The following ALDH18A1 variants were observed in gnomAD, a reference collection of about 807,000 sequenced individuals.
ALDH18A1 encodes delta-1-pyrroline-5-carboxylate synthase.
ALDH18A1 carries 44 observed loss-of-function variants against 88.8 expected under a neutral mutation model. That is an observed-to-expected ratio of 0.50 (90% confidence interval 0.39 to 0.64). The LOEUF is 0.64. ALDH18A1 is among the 30% of genes least tolerant of loss of function. The pLI, the probability that ALDH18A1 is intolerant of heterozygous loss-of-function variation, is 0.00. For synonymous variants in ALDH18A1, 331 were observed against 372.1 expected (o/e 0.89, Z 1.27); for missense variants, 782 against 1,009.5 (o/e 0.77, Z 3.05).
intron 7 of ALDH18A1, among the ~76,000 whole-genome samples, chr10:95,631,880 G>T (rs1488722808): frequency 6.6e-6 from 1 of 151,792 alleles, no homozygotes; most frequent in Non-Finnish European, 1.5e-5. Context: ...CTCCTCAAAA[G>T]TCTTTTAAAC....
intron 2 of ALDH18A1, among the ~76,000 whole-genome samples, chr10:95,652,043 A>T (rs1205711228): frequency 2.0e-5 from 3 of 152,240 alleles, no homozygotes; most frequent in Non-Finnish European, 2.9e-5. Flanking sequence ...ACTTCTCAGT[A>T]ATAAAAAGGA....
chr10:95,607,525 C>A (rs2097825005), intron 17 of ALDH18A1, among the ~76,000 whole-genome samples: 1 of 149,674 alleles, frequency 6.7e-6, no homozygotes. Context: ...ACAGTGGAGG[C>A]AGGGTTCCCT....
intron 14 of ALDH18A1, 33 bp from the exon 15 acceptor site, chr10:95,613,896 T>C (rs376515375): frequency 9.9e-6 from 16 of 1,614,048 alleles, no homozygotes; most frequent in Non-Finnish European, 1.3e-5. Flanking sequence ...TTGTTTCCAT[T>C]GACATGATCC....
rs1425551301 is a variant in ALDH18A1, at chr10:95,633,525, G to C, written c.683C>G (p.Pro228Arg). Residue 228 changes from proline (P) to arginine (R), a missense_variant, in exon 6 of 18, where the codon CCA becomes CGA. This residue lies in a region of ALDH18A1 where 132 missense variants were observed against 255.5 expected (regional missense o/e 0.52). Transcript: ENST00000371224. ...CTGCAGGTCACTGTTGGGCTCAGCT[G>C]GGGGGACAACAGCATCATTTGTGTT... Reference protein sequence around the residue: ...IVNTNDAVVPPAEPNSDLQGV... With the variant: ...IVNTNDAVVPRAEPNSDLQGV... 6.2e-7 allele frequency: 1 copy of C among 1,614,080 alleles called. No homozygotes were observed. The highest frequency in any genetic ancestry group is 1.1e-5 in the South Asian group (1 of 91,076).
At chr10:95,655,355 T>C (rs1250541952) in intron 1 of ALDH18A1, among the ~76,000 whole-genome samples, 2 of 152,122 alleles carry the variant, frequency 1.3e-5, no homozygotes, top group Admixed American at 6.5e-5. Context: ...TAAATGTCAG[T>C]TTTCCTCCTT....
At chr10:95,639,018 C>A (rs1488509748) in intron 3 of ALDH18A1, among the ~76,000 whole-genome samples, 1 of 152,050 alleles carries the variant, frequency 6.6e-6, no homozygotes, top group Non-Finnish European at 1.5e-5. Context: ...CTTGGCTTCC[C>A]AAAGTGCTGG....
At chr10:95,648,253 T>C (rs914424703) in intron 2 of ALDH18A1, among the ~76,000 whole-genome samples, 1 of 152,174 alleles carries the variant, frequency 6.6e-6, no homozygotes, top group Non-Finnish European at 1.5e-5. Flanking sequence ...ACAGAAGTCT[T>C]CTGTGTTGAT....
intron 17 of ALDH18A1, 99 bp downstream of exon 17, chr10:95,610,098 T>C: frequency 8.7e-7 from 1 of 1,152,936 alleles, no homozygotes; most frequent in East Asian, 2.5e-5. Context: ...ACCAAGCATG[T>C]GACAGTCAAG....
chr10:95,631,638 G>A (rs777776999), intron 7 of ALDH18A1, among the ~76,000 whole-genome samples: 6 of 151,574 alleles, frequency 4.0e-5, no homozygotes, highest in African/African-American at 7.3e-5. Flanking sequence ...AGTTACTCGG[G>A]AGGCTGAGGC....
chr10:95,630,235 C>T (rs1019318623), intron 7 of ALDH18A1, among the ~76,000 whole-genome samples: 1 of 152,176 alleles, frequency 6.6e-6, no homozygotes, highest in Non-Finnish European at 1.5e-5. Flanking sequence ...CTCAGCCCTC[C>T]CAAGTAGCTG....
At chr10:95,652,210 G>A (rs2097911444) in intron 2 of ALDH18A1, among the ~76,000 whole-genome samples, 1 of 152,240 alleles carries the variant, frequency 6.6e-6, no homozygotes, top group African/African-American at 2.4e-5. Context: ...TTGGCCAGGG[G>A]TTAGTAATAG....
At chr10:95,630,330 C>T (rs1250851397) in intron 7 of ALDH18A1, among the ~76,000 whole-genome samples, 1 of 152,190 alleles carries the variant, frequency 6.6e-6, no homozygotes, top group Non-Finnish European at 1.5e-5. Flanking sequence ...CTACCCACTA[C>T]CTACTTTGTA....
intron 16 of ALDH18A1, 27 bp downstream of exon 16, chr10:95,611,229 G>T: frequency 1.2e-6 from 2 of 1,613,062 alleles, no homozygotes; most frequent in Non-Finnish European, 1.7e-6. Context: ...GGCAGACACT[G>T]TATGCGGGAA....
chr10:95,648,317 A>G (rs1490545655), intron 2 of ALDH18A1, among the ~76,000 whole-genome samples: 1 of 104,838 alleles, frequency 9.5e-6, no homozygotes, highest in Admixed American at 1.0e-4. Context: ...TCCATATTCT[A>G]CCTTCATCAT....
intron 12 of ALDH18A1, among the ~76,000 whole-genome samples, chr10:95,617,636 A>G (rs1373566232): frequency 2.0e-5 from 3 of 152,244 alleles, no homozygotes; most frequent in Admixed American, 2.0e-4. Flanking sequence ...TACAAAAGTT[A>G]AGTAAACTTT....
At chr10:95,633,458 A>G in intron 6 of ALDH18A1, 33 bp downstream of exon 6, 1 of 1,613,550 alleles carries the variant, frequency 6.2e-7, no homozygotes, top group Non-Finnish European at 8.5e-7. Flanking sequence ...TAGTGTCTCC[A>G]GCATGCTAAA....
intron 11 of ALDH18A1, among the ~76,000 whole-genome samples, chr10:95,623,954 G>A (rs1041014525): frequency 1.3e-5 from 2 of 152,096 alleles, no homozygotes; most frequent in Admixed American, 1.3e-4. Flanking sequence ...GCCCACCTTG[G>A]CCTCTCAAAG....
chr10:95,647,890 G>C (rs2097903796), intron 2 of ALDH18A1, among the ~76,000 whole-genome samples: 1 of 152,250 alleles, frequency 6.6e-6, no homozygotes, highest in African/African-American at 2.4e-5. Flanking sequence ...GGAGGTTCCT[G>C]GAGGGTGGCG....
intron 2 of ALDH18A1, among the ~76,000 whole-genome samples, chr10:95,650,242 A>G (rs941304311): frequency 6.6e-6 from 1 of 152,256 alleles, no homozygotes; most frequent in Non-Finnish European, 1.5e-5. Context: ...CGTCATCAAA[A>G]GAAAAACTTT....
Sources: gnomAD v4.1 joint callset for allele counts (sites outside exome capture counted in the v4.1 genomes callset) on GRCh38, gnomAD v4.1.1 for gene constraint, gnomAD v4.1.1 regional missense constraint, MANE v1.5 for transcripts, NCBI Gene and HGNC (gene_info 2026-07-23, HGNC 2026-07-21) for gene names.